The following ZNF609 variants were observed in gnomAD, a reference collection of about 807,000 sequenced individuals.
The protein encoded by ZNF609 is zinc finger protein 609.
Under a neutral mutation model 109.5 loss-of-function variants are expected in ZNF609, and 11 were observed. The ratio of observed to expected loss-of-function variants is 0.10; its 90% CI spans 0.06 to 0.17. The LOEUF is 0.17. ZNF609 is among the 10% of genes least tolerant of loss of function. The pLI is 1.00. For missense variants in ZNF609, 1,559 were observed against 1,772.4 expected (o/e 0.88, Z 2.16); for synonymous variants, 646 against 662.0 (o/e 0.98, Z 0.37).
chr15:64,493,609 C>T (rs769930456), intron 1 of ZNF609, among the ~76,000 whole-genome samples: 1 of 152,248 alleles, frequency 6.6e-6, no homozygotes, highest in African/African-American at 2.4e-5. Context: ...ACTGACAACT[C>T]ATGGTGGACA....
intron 2 of ZNF609, among the ~76,000 whole-genome samples, chr15:64,565,697 AG>A (rs1894764849): frequency 6.6e-6 from 1 of 152,298 alleles, no homozygotes; most frequent in South Asian, 2.1e-4. Flanking sequence ...TACTAGAATA[AG>A]CATCTTTAAT....
chr15:64,675,797 C>T lies in ZNF609; in HGVS notation c.2943C>T (p.Pro981=), dbSNP rs1186308259. 5.6e-6 allele frequency: 9 copies of T among 1,614,056 alleles called. No homozygotes were observed. Among genetic ancestry groups the T allele is most frequent in the South Asian group, 5.5e-5 (5 of 91,074 alleles). ...ACTACAACCAGTATGCCTATGTACC[C>T]CCCTATGGCTACAGCGACCAGAGTT... ...SLYYNQYAYV[P]PYGYSDQSYH... Residue 981 remains proline (P), a synonymous_variant, in exon 5 of 10, where the codon CCC becomes CCT. Coordinates refer to ENST00000326648, the MANE Select transcript of ZNF609 (RefSeq NM_015042.2).
Position 64,606,558 on chromosome 15 carries a change from C to CA in ZNF609, c.748-16250dup, listed in dbSNP as rs71133455. ...TGGGCAACAGAGCAAGACTCCATCT[C>CA]AAAAAAAAAAAAAAAAAAACAGAAA... On this transcript the variant is annotated intron_variant, in intron 2 of 9. Transcript: ENST00000326648. 3.4e-3 allele frequency among the ~76,000 whole-genome samples: 317 copies of CA among 92,610 alleles called. 1 individual carries two copies. Among genetic ancestry groups the CA allele is most frequent in the African/African-American group, 0.01 (258 of 24,880 alleles). 60.8% of individuals were successfully genotyped at this position (92,610 alleles called of 152,430 possible). A position where few individuals can be genotyped will look rare whatever the true frequency, so the allele number is the denominator to read the frequency against.
At chr15:64,539,171 TTTATTTATTTATTTA>T (rs1329223873) in intron 2 of ZNF609, among the ~76,000 whole-genome samples, 2 of 137,392 alleles carry the variant, frequency 1.5e-5, no homozygotes, top group African/African-American at 5.4e-5. Flanking sequence ...GCCTTATTTA[TTTATTTATTTATTTA>T]TTTATTTATT....
intron 2 of ZNF609, among the ~76,000 whole-genome samples, chr15:64,519,247 T>C (rs1327321682): frequency 2.0e-5 from 3 of 152,010 alleles, no homozygotes; most frequent in Non-Finnish European, 4.4e-5. Context: ...TAGAAATGTC[T>C]CTTGAGGACT....
At chr15:64,461,214 C>A (rs1426631794) in intron 1 of ZNF609, among the ~76,000 whole-genome samples, 1 of 1,936 alleles carries the variant, frequency 5.2e-4, no homozygotes, top group Non-Finnish European at 1.1e-3. Flanking sequence ...AGGGAGTTGG[C>A]GGGGGAGGGG....
At chr15:64,549,806 G>T (rs1894434345) in intron 2 of ZNF609, among the ~76,000 whole-genome samples, 1 of 152,034 alleles carries the variant, frequency 6.6e-6, no homozygotes, top group African/African-American at 2.4e-5. Context: ...TTATTTTTGA[G>T]ATGGGATCTC....
intron 2 of ZNF609, among the ~76,000 whole-genome samples, chr15:64,523,414 TA>T (rs1893921519): frequency 6.6e-6 from 1 of 152,194 alleles, no homozygotes; most frequent in Admixed American, 6.5e-5. Flanking sequence ...ATTGACTGCC[TA>T]ATAGTAGGCT....
Position 64,540,427 on chromosome 15 carries a change from C to T in ZNF609, c.747+40261C>T, listed in dbSNP as rs28407450. Among the ~76,000 whole-genome samples, 609 of 152,038 alleles carry T rather than the reference C, an allele frequency of 4.0e-3. 4 individuals carry two copies. Among genetic ancestry groups the T allele is most frequent in the African/African-American group, 0.014 (570 of 41,472 alleles). On this transcript the variant is annotated intron_variant, in intron 2 of 9. Coordinates refer to ENST00000326648, the MANE Select transcript of ZNF609 (RefSeq NM_015042.2). ...TTTTTATTTTTGTTTTTGTTTGGTA[C>T]GGAGTCTCACTCTGTCACCTCGGCT...
At chr15:64,587,993 G>A (rs932795771) in intron 2 of ZNF609, among the ~76,000 whole-genome samples, 2 of 151,634 alleles carry the variant, frequency 1.3e-5, no homozygotes, top group Admixed American at 1.3e-4. Context: ...GCCCGCCTCA[G>A]CCTCCCAAAG....
chr15:64,584,987 A>G (rs1895172450), intron 2 of ZNF609, among the ~76,000 whole-genome samples: 1 of 151,718 alleles, frequency 6.6e-6, no homozygotes, highest in Admixed American at 6.6e-5. Context: ...AAAAGAAAAA[A>G]AAAAAGAGGG....
intron 2 of ZNF609, among the ~76,000 whole-genome samples, chr15:64,568,886 G>A (rs1197040305): frequency 6.6e-6 from 1 of 152,188 alleles, no homozygotes; most frequent in Non-Finnish European, 1.5e-5. Flanking sequence ...AACAATTTGT[G>A]TGATTTTTAA....
At chr15:64,475,223 G>T (rs1287226461) in intron 1 of ZNF609, among the ~76,000 whole-genome samples, 3 of 147,914 alleles carry the variant, frequency 2.0e-5, no homozygotes, top group Non-Finnish European at 4.4e-5. Flanking sequence ...TCCCAGGACA[G>T]TTAACTCCCA....
chr15:64,655,735 C>T (rs111477769), intron 3 of ZNF609, among the ~76,000 whole-genome samples: 7,484 of 152,040 alleles, frequency 0.049, 603 homozygotes, highest in African/African-American at 0.17. Flanking sequence ...GAGGCTAAGG[C>T]AGGAGAATTG....
intron 2 of ZNF609, among the ~76,000 whole-genome samples, chr15:64,554,863 G>A (rs888058387): frequency 8.6e-5 from 13 of 151,430 alleles, no homozygotes; most frequent in African/African-American, 4.9e-5. Context: ...TTGGGAGGCC[G>A]AGACGAGTGT....
At chr15:64,515,938 CAAAA>C (rs57072582) in intron 2 of ZNF609, among the ~76,000 whole-genome samples, 3 of 74,266 alleles carry the variant, frequency 4.0e-5, no homozygotes, top group African/African-American at 5.2e-5. Context: ...AACTCCGTCT[CAAAA>C]AAAAAAAAAA....
chr15:64,505,550 C>G (rs1893623541), intron 2 of ZNF609, among the ~76,000 whole-genome samples: 1 of 152,164 alleles, frequency 6.6e-6, no homozygotes, highest in African/African-American at 2.4e-5. Context: ...GAGATGGTCT[C>G]TGCTTTTTGA....
intron 2 of ZNF609, among the ~76,000 whole-genome samples, chr15:64,534,637 C>T (rs949097374): frequency 6.6e-6 from 1 of 151,010 alleles, no homozygotes; most frequent in Non-Finnish European, 1.5e-5. Context: ...TTATACCATA[C>T]CCACTTTCCC....
At chr15:64,593,658 C>T (rs1895340316) in intron 2 of ZNF609, among the ~76,000 whole-genome samples, 2 of 152,184 alleles carry the variant, frequency 1.3e-5, no homozygotes, top group African/African-American at 2.4e-5. Context: ...TCCCCAGTAG[C>T]TGGGACTACT....
Sources: allele counts gnomAD v4.1 joint callset (sites outside exome capture counted in the v4.1 genomes callset), GRCh38; gene constraint gnomAD v4.1.1; transcripts MANE v1.5; gene names NCBI Gene and HGNC (gene_info 2026-07-23, HGNC 2026-07-21).